Variants in CSMD1 observed in about 807,000 individuals in gnomAD.
CSMD1 encodes CUB and Sushi multiple domains 1.
A neutral mutation model predicts 417.5 loss-of-function variants in CSMD1; 213 were observed. That is an observed-to-expected ratio of 0.51 (90% CI 0.46 to 0.57). The LOEUF is 0.57. CSMD1 is among the 20% of genes least tolerant of loss of function. The pLI, the probability that CSMD1 is intolerant of heterozygous loss-of-function variation, is 0.00. For missense variants in CSMD1, 6,923 were observed against 4,529.7 expected (o/e 1.53, Z -15.17); for synonymous variants, 2,862 against 1,736.8 (o/e 1.65, Z -16.11).
At chr8:3,101,001 G>T (rs2129012534) in intron 46 of CSMD1, among the ~76,000 whole-genome samples, 1 of 151,416 alleles carries the variant, frequency 6.6e-6, no homozygotes, top group Non-Finnish European at 1.5e-5. Flanking sequence ...GCTTTCGAAT[G>T]ATCATTATCA....
chr8:4,117,618 A>G (rs956633362), intron 3 of CSMD1, among the ~76,000 whole-genome samples: 1 of 152,208 alleles, frequency 6.6e-6, no homozygotes, highest in Non-Finnish European at 1.5e-5. Flanking sequence ...CCAGTTAGAG[A>G]AAAGGTGTGT....
intron 3 of CSMD1, among the ~76,000 whole-genome samples, chr8:4,229,506 T>G (rs1308447759): frequency 6.6e-6 from 1 of 152,236 alleles, no homozygotes; most frequent in Non-Finnish European, 1.5e-5. Flanking sequence ...TGTCTTCATA[T>G]AATTCTACTG....
chr8:3,870,662 T>C (rs892003292), intron 5 of CSMD1, among the ~76,000 whole-genome samples: 3 of 152,192 alleles, frequency 2.0e-5, no homozygotes, highest in African/African-American at 7.2e-5. Context: ...TTGCTTTTAT[T>C]TACCTGAATA....
At chr8:2,966,850 T>C in intron 57 of CSMD1, 104 bp from the exon 58 acceptor site, 3 of 1,035,090 alleles carry the variant, frequency 2.9e-6, no homozygotes, top group African/African-American at 1.6e-5. Flanking sequence ...TACACATTTA[T>C]TACAAACCCA....
In CSMD1 at chr8:3,601,755, T is replaced by A. The variant is rs112572990; in HGVS notation, c.1097+14955A>T. On this transcript the variant is annotated intron_variant, in intron 8 of 69. Transcript: ENST00000635120. Reference sequence around the variant, plus strand: ...ATTGAATAACAACCAGTGCATTGATTTGGGGACCATTCTCCCTGCTCCCTA... The same window carrying A: ...ATTGAATAACAACCAGTGCATTGATATGGGGACCATTCTCCCTGCTCCCTA... 4.1e-3 allele frequency among the ~76,000 whole-genome samples: 624 copies of A among 152,242 alleles called. 6 individuals are homozygous for A. The highest frequency in any genetic ancestry group is 0.014 in the African/African-American group (593 of 41,526).
intron 12 of CSMD1, among the ~76,000 whole-genome samples, chr8:3,430,701 G>A (rs1477707915): frequency 6.6e-6 from 1 of 152,120 alleles, no homozygotes; most frequent in Non-Finnish European, 1.5e-5. Context: ...CAGCTACTCA[G>A]GAGGCTGAGG....
chr8:3,466,577 A>ATTT lies in CSMD1; in HGVS notation c.1561+2132_1561+2134dup, dbSNP rs35761429. Among the ~76,000 whole-genome samples the ATTT allele has an allele frequency of 6.1e-3, 695 of 113,578 alleles. 17 individuals are homozygous for ATTT. The highest frequency in any genetic ancestry group is 0.025 in the African/African-American group (666 of 26,488). 74.5% of individuals were successfully genotyped at this position (113,578 alleles called of 152,430 possible). On this transcript the variant is annotated intron_variant, in intron 12 of 69. Transcript: ENST00000635120. ...GGTACCCACCCTCCACAATCAGCTA[A>ATTT]TTTTTTTTTTTTTTTTTTTTTTGTA...
At chr8:3,709,915 A>G (rs1250560569) in intron 6 of CSMD1, among the ~76,000 whole-genome samples, 2 of 60,940 alleles carry the variant, frequency 3.3e-5, no homozygotes, top group African/African-American at 1.4e-4. Context: ...TATATACAGG[A>G]GACCCCTGAA....
At chr8:4,319,891 C>G (rs887353767) in intron 3 of CSMD1, among the ~76,000 whole-genome samples, 1 of 152,080 alleles carries the variant, frequency 6.6e-6, no homozygotes, top group Non-Finnish European at 1.5e-5. Flanking sequence ...TGAGCTCAGG[C>G]TACAGAAAGA....
chr8:3,075,630 G>C (rs1445277404), intron 49 of CSMD1, among the ~76,000 whole-genome samples: 3 of 151,990 alleles, frequency 2.0e-5, no homozygotes, highest in African/African-American at 7.2e-5. Flanking sequence ...ATTTATAGAG[G>C]TATGACAAAA....
At chr8:3,167,454 A>G (rs1375716103) in intron 37 of CSMD1, among the ~76,000 whole-genome samples, 1 of 152,250 alleles carries the variant, frequency 6.6e-6, no homozygotes, top group East Asian at 1.9e-4. Flanking sequence ...TGTGCAATCT[A>G]CACATTTAAA....
intron 3 of CSMD1, among the ~76,000 whole-genome samples, chr8:4,191,057 T>C (rs970320948): frequency 6.6e-6 from 1 of 151,834 alleles, no homozygotes; most frequent in Non-Finnish European, 1.5e-5. Flanking sequence ...CCAGTTTACC[T>C]ATGTAACTAA....
Position 4,728,294 on chromosome 8 carries a change from A to G in CSMD1, c.86-90736T>C, listed in dbSNP as rs150907249. Reference sequence around the variant, plus strand: ...ATTTGGGTTGAAATAAAATTTTAATATTAGGTGTTTATATATTTTAGTGGT... The same window carrying G: ...ATTTGGGTTGAAATAAAATTTTAATGTTAGGTGTTTATATATTTTAGTGGT... On this transcript the variant is annotated intron_variant, in intron 1 of 69. Coordinates refer to ENST00000635120, the MANE Select transcript of CSMD1 (RefSeq NM_033225.6). Among the ~76,000 whole-genome samples, 333 of 151,464 alleles carry G rather than the reference A, an allele frequency of 2.2e-3. 2 individuals are homozygous for G. The highest frequency in any genetic ancestry group is 0.01 in the Middle Eastern group (3 of 288).
In CSMD1 at chr8:3,745,223, A is replaced by G. The variant is rs377119520; in HGVS notation, c.931+8707T>C. ...TATTTTTTGGGGTAGTAAATTGTAG[A>G]CTATGCCATGGTCAAAAGTTAACTA... On this transcript the variant is annotated intron_variant, in intron 6 of 69. Transcript: ENST00000635120. 3.3e-5 allele frequency among the ~76,000 whole-genome samples: 5 copies of G among 152,166 alleles called. No individual in the cohort carries two copies. In the East Asian group the frequency reaches 7.7e-4, roughly 23 times the overall value.
intron 3 of CSMD1, among the ~76,000 whole-genome samples, chr8:4,208,855 A>G: frequency 6.6e-6 from 1 of 152,196 alleles, no homozygotes; most frequent in Admixed American, 6.5e-5. Flanking sequence ...GGTAGCAATA[A>G]GTATCCATTC....
At chr8:3,840,205 T>A (rs1322730928) in intron 5 of CSMD1, among the ~76,000 whole-genome samples, 1 of 152,138 alleles carries the variant, frequency 6.6e-6, no homozygotes, top group Non-Finnish European at 1.5e-5. Flanking sequence ...AACTAAATGC[T>A]TCTGTATGTT....
intron 5 of CSMD1, among the ~76,000 whole-genome samples, chr8:3,807,077 G>A (rs571404354): frequency 5.3e-5 from 8 of 152,070 alleles, no homozygotes; most frequent in Non-Finnish European, 1.2e-4. Context: ...ACTATCCATG[G>A]CTTCCCCCAC....
At chr8:3,411,966 G>GTA (rs368732338) in intron 12 of CSMD1, among the ~76,000 whole-genome samples, 938 of 3,252 alleles carry the variant, frequency 0.29, 219 homozygotes, top group Middle Eastern at 1. Context: ...ACGTATATAT[G>GTA]CACGTATATA....
intron 2 of CSMD1, among the ~76,000 whole-genome samples, chr8:4,455,554 T>C (rs1799415486): frequency 6.6e-6 from 1 of 152,112 alleles, no homozygotes; most frequent in Admixed American, 6.6e-5. Context: ...CTTTATAGAA[T>C]ATGACCTCCT....
Sources: gnomAD v4.1 joint callset for allele counts (sites outside exome capture counted in the v4.1 genomes callset) on GRCh38, gnomAD v4.1.1 for gene constraint, MANE v1.5 for transcripts, NCBI Gene and HGNC (gene_info 2026-07-23, HGNC 2026-07-21) for gene names.